UNC5D: variants seen among roughly 807,000 people sequenced by gnomAD.
UNC5D encodes netrin receptor UNC5D.
Under a neutral mutation model 105.4 loss-of-function variants are expected in UNC5D, and 39 were observed. That is an observed-to-expected ratio of 0.37 (90% CI 0.29 to 0.48). The LOEUF (loss-of-function observed/expected upper bound fraction) is 0.48, where lower values mean the gene tolerates loss of function less well. UNC5D is among the 20% of genes least tolerant of loss of function. The probability of loss-of-function intolerance (pLI) is 0.98; values close to 1 mark genes in which losing one functional copy is unlikely to be tolerated. For missense variants in UNC5D, 991 were observed against 1,202.4 expected (o/e 0.82, Z 2.60); for synonymous variants, 452 against 450.4 (o/e 1.00, Z -0.04).
chr8:35,503,585 T>A (rs1474322430), intron 1 of UNC5D, among the ~76,000 whole-genome samples: 2 of 152,230 alleles, frequency 1.3e-5, no homozygotes, highest in Non-Finnish European at 2.9e-5. Flanking sequence ...GATATGACCC[T>A]GTGCTCAGGA....
intron 1 of UNC5D, among the ~76,000 whole-genome samples, chr8:35,284,864 T>C (rs1263682114): frequency 6.6e-6 from 1 of 152,170 alleles, no homozygotes; most frequent in African/African-American, 2.4e-5. Flanking sequence ...ACCTGGCCTA[T>C]AATGTTTATT....
At chr8:35,501,604 A>C (rs2130244961) in intron 1 of UNC5D, among the ~76,000 whole-genome samples, 1 of 152,358 alleles carries the variant, frequency 6.6e-6, no homozygotes, top group South Asian at 2.1e-4. Flanking sequence ...TAAGTCAGAA[A>C]GCCTCCAAAG....
chr8:35,517,921 A>T (rs1813205913), intron 1 of UNC5D, among the ~76,000 whole-genome samples: 1 of 152,100 alleles, frequency 6.6e-6, no homozygotes, highest in Non-Finnish European at 1.5e-5. Flanking sequence ...GGAACAAGGG[A>T]TCTCACAGGT....
At chr8:35,341,532 A>G (rs1368272913) in intron 1 of UNC5D, among the ~76,000 whole-genome samples, 1 of 151,742 alleles carries the variant, frequency 6.6e-6, no homozygotes, top group Non-Finnish European at 1.5e-5. Context: ...ACTCGCAGTG[A>G]TAGAATCTTC....
At chr8:35,352,012 G>A (rs555076116) in intron 1 of UNC5D, among the ~76,000 whole-genome samples, 12 of 151,964 alleles carry the variant, frequency 7.9e-5, no homozygotes, top group South Asian at 4.2e-4. Flanking sequence ...TTTAAAAAAC[G>A]TTCAAAGAAA....
intron 1 of UNC5D, among the ~76,000 whole-genome samples, chr8:35,454,747 A>G (rs1311812946): frequency 6.6e-6 from 1 of 152,002 alleles, no homozygotes; most frequent in East Asian, 1.9e-4. Context: ...AATTTAAAAC[A>G]CCAATGAAAT....
At chr8:35,429,395 T>C (rs1318679471) in intron 1 of UNC5D, among the ~76,000 whole-genome samples, 5 of 152,190 alleles carry the variant, frequency 3.3e-5, no homozygotes, top group African/African-American at 1.2e-4. Flanking sequence ...AGACTACCAC[T>C]AACTCTCTGT....
At chr8:35,457,639 G>T (rs531799453) in intron 1 of UNC5D, among the ~76,000 whole-genome samples, 1 of 152,136 alleles carries the variant, frequency 6.6e-6, no homozygotes, top group Non-Finnish European at 1.5e-5. Context: ...AATTGGGTGA[G>T]TTGGGGAAGT....
Position 35,726,415 on chromosome 8 carries a change from C to T in UNC5D, c.1567C>T (p.Pro523Ser), listed in dbSNP as rs368265471. 6.2e-7 allele frequency: 1 copy of T among 1,614,014 alleles called. No individual in the cohort carries two copies. The highest frequency in any genetic ancestry group is 8.5e-7 in the Non-Finnish European group (1 of 1,180,030). ...CAACCACAGCTTTAGTACAATGCATCCCAGAAATAAAATGCCCTACATCCA... is the reference window on the plus strand; with the variant it reads ...CAACCACAGCTTTAGTACAATGCATTCCAGAAATAAAATGCCCTACATCCA... Reference protein sequence around the residue: ...GNNHSFSTMHPRNKMPYIQNL... With the variant: ...GNNHSFSTMHSRNKMPYIQNL... Residue 523 changes from proline (P) to serine (S), a missense_variant, in exon 10 of 17, where the codon CCC becomes TCC. Transcript: ENST00000404895.
chr8:35,783,518 G>C (rs1219983612), intron 16 of UNC5D, among the ~76,000 whole-genome samples: 1 of 152,136 alleles, frequency 6.6e-6, no homozygotes, highest in African/African-American at 2.4e-5. Flanking sequence ...TACAGACTCA[G>C]AACGCTGAGC....
At chr8:35,465,589 G>A (rs190799212) in intron 1 of UNC5D, among the ~76,000 whole-genome samples, 1 of 152,232 alleles carries the variant, frequency 6.6e-6, no homozygotes, top group Non-Finnish European at 1.5e-5. Flanking sequence ...TCCTTTTCAT[G>A]TGTCTTTGTT....
At chr8:35,312,253 G>A (rs2128879190) in intron 1 of UNC5D, among the ~76,000 whole-genome samples, 1 of 152,236 alleles carries the variant, frequency 6.6e-6, no homozygotes, top group Admixed American at 6.5e-5. Flanking sequence ...GTCTAACCAG[G>A]ATGACATAAT....
chr8:35,594,971 C>A (rs775875587), intron 3 of UNC5D, among the ~76,000 whole-genome samples: 1 of 152,116 alleles, frequency 6.6e-6, no homozygotes, highest in African/African-American at 2.4e-5. Context: ...GACTGGAGGG[C>A]GTTGTGTTTT....
intron 1 of UNC5D, among the ~76,000 whole-genome samples, chr8:35,458,857 G>A (rs575542586): frequency 6.4e-4 from 98 of 152,256 alleles, no homozygotes; most frequent in East Asian, 7.7e-4. Flanking sequence ...CTTCGAAGAC[G>A]TCTTGAAATT....
intron 2 of UNC5D, among the ~76,000 whole-genome samples, chr8:35,551,444 C>A (rs1455360478): frequency 6.6e-6 from 1 of 152,152 alleles, no homozygotes; most frequent in Admixed American, 6.5e-5. Flanking sequence ...GAAGGGTCAA[C>A]TAGGTCTACT....
intron 1 of UNC5D, among the ~76,000 whole-genome samples, chr8:35,376,968 C>G (rs1445076540): frequency 2.0e-5 from 3 of 152,192 alleles, no homozygotes; most frequent in African/African-American, 7.2e-5. Context: ...CTCTTTTCTG[C>G]TTTCCTTTGG....
chr8:35,591,969 G>C (rs954937647), intron 3 of UNC5D, among the ~76,000 whole-genome samples: 7 of 152,182 alleles, frequency 4.6e-5, no homozygotes, highest in African/African-American at 1.7e-4. Flanking sequence ...TCCCTGCAAT[G>C]TTCCTGCGGT....
At chr8:35,584,546 C>G (rs1207150714) in intron 3 of UNC5D, among the ~76,000 whole-genome samples, 1 of 152,100 alleles carries the variant, frequency 6.6e-6, no homozygotes, top group Non-Finnish European at 1.5e-5. Flanking sequence ...TCCCAAGTAG[C>G]TGGGACTACA....
intron 7 of UNC5D, among the ~76,000 whole-genome samples, chr8:35,692,326 G>C (rs149458746): frequency 3.9e-5 from 6 of 152,278 alleles, no homozygotes; most frequent in African/African-American, 1.4e-4. Flanking sequence ...TGTAATCACA[G>C]GAAAGGCATG....
Sources: gnomAD v4.1 joint callset for allele counts (sites outside exome capture counted in the v4.1 genomes callset) on GRCh38, gnomAD v4.1.1 for gene constraint, MANE v1.5 for transcripts, NCBI Gene and HGNC (gene_info 2026-07-23, HGNC 2026-07-21) for gene names.